Variants in ZNF24 observed in about 807,000 individuals in gnomAD.
ZNF24 encodes the protein retinoic acid suppression protein A.
A neutral mutation model predicts 40.9 loss-of-function variants in ZNF24; 11 were observed. The observed-to-expected ratio is 0.27, with a 90% CI of 0.17 to 0.45. The LOEUF (loss-of-function observed/expected upper bound fraction) is 0.45, where lower values mean the gene tolerates loss of function less well. Among genes scored for constraint, ZNF24 ranks in the 20% least tolerant of loss-of-function variants. The pLI, the probability that ZNF24 is intolerant of heterozygous loss-of-function variation, is 1.00. For synonymous variants in ZNF24, 139 were observed against 154.7 expected (o/e 0.90, Z 0.75); for missense variants, 293 against 437.7 (o/e 0.67, Z 2.95).
At chr18:35,344,334 TC>T (rs1204565064) in intron 1 of ZNF24, 25 bp downstream of exon 1, 1 of 152,156 alleles carries the variant, frequency 6.6e-6, no homozygotes, top group Non-Finnish European at 1.5e-5. Context: ...GTGTCCCCCC[TC>T]CCTCTCATAA....
chr18:35,334,835 C>T lies in ZNF24; in HGVS notation c.*2397G>A, dbSNP rs1038461280. 1 of 152,274 alleles carries T rather than the reference C, an allele frequency of 6.6e-6. No individual in the cohort carries two copies. Among genetic ancestry groups the T allele is most frequent in the Non-Finnish European group, 1.5e-5 (1 of 68,090 alleles). 9.4% of individuals were successfully genotyped at this position (152,274 alleles called of 1,614,324 possible). ...ATAGAAAGTACACATCTCATCATTT[C>T]CTCTTCTTGTGTGCCACCATCCAGT... On this transcript the variant is annotated 3_prime_UTR_variant, in exon 4 of 4. Coordinates refer to ENST00000261332, the MANE Select transcript of ZNF24 (RefSeq NM_006965.4).
In ZNF24 at chr18:35,335,420, A is replaced by G. The variant is rs893283727; in HGVS notation, c.*1812T>C. ...TTATAATTGTTATCAGAAAACCTAT[A>G]AACAAGCTCCATTCTGCCTCACTTT... is the stretch of plus-strand genomic sequence containing the variant. On this transcript the variant is annotated 3_prime_UTR_variant, in exon 4 of 4. Transcript: ENST00000261332. 1 of 152,204 alleles carries G rather than the reference A, an allele frequency of 6.6e-6. No individual in the cohort carries two copies. Among genetic ancestry groups the G allele is most frequent in the South Asian group, 2.1e-4 (1 of 4,836 alleles). The allele number at this position is 152,204 out of a possible 1,614,324, so 9.4% of individuals were successfully genotyped here. A position where few individuals can be genotyped will look rare whatever the true frequency, so the allele number is the denominator to read the frequency against.
At chr18:35,338,929 TGTAAAACTGCA>T in intron 3 of ZNF24, 2 of 1,483,138 alleles carry the variant, frequency 1.3e-6, no homozygotes, top group Non-Finnish European at 1.8e-6. Context: ...CCATGAAACA[TGTAAAACTGCA>T]GATTTTCAGC....
At position 35,340,560 on chromosome 18, in the gene ZNF24, C is replaced by T; in HGVS notation, c.91G>A (p.Asp31Asn). The T allele has an allele frequency of 6.2e-7, 1 of 1,614,194 alleles. No individual in the cohort carries two copies. ...EKILRVKLEE[D>N]PDGEEGSSIP... ...CTTGATCCCTCTTCGCCATCAGGATCCTCCTCCAACTTCACTCTCAGAATT... is the reference window on the plus strand; with the variant it reads ...CTTGATCCCTCTTCGCCATCAGGATTCTCCTCCAACTTCACTCTCAGAATT... The change falls in exon 2 of 4, where the codon GAT becomes AAT. Residue 31 changes from aspartate to asparagine, a missense_variant. Transcript: ENST00000261332. The surrounding 1 kb of genome is among the most constrained non-coding windows in gnomAD (Gnocchi z 4.6).
rs543156308 is a variant in ZNF24, at chr18:35,340,776, T to G, written c.-83-43A>C. The G allele has an allele frequency of 1.0e-4, 84 of 836,002 alleles. No homozygotes were observed. In the Admixed American group the frequency reaches 2.5e-3, roughly 25 times the overall value. The allele number at this position is 836,002 out of a possible 1,614,324, so 51.8% of individuals were successfully genotyped here. ...AAAGATATATAAATAAGCAAAAATA[T>G]CCTAAGAATTTGAACTTATACTGGT... On this transcript the variant is annotated intron_variant, in intron 1 of 3. Coordinates refer to ENST00000261332, the MANE Select transcript of ZNF24 (RefSeq NM_006965.4). The surrounding 1 kb of genome is among the most constrained non-coding windows in gnomAD (Gnocchi z 4.6).
chr18:35,337,661 A>T lies in ZNF24; in HGVS notation c.678T>A (p.Ile226=). 12 of 1,613,906 alleles carry T rather than the reference A, an allele frequency of 7.4e-6. No homozygotes were observed. The highest frequency in any genetic ancestry group is 1.0e-5 in the Non-Finnish European group (12 of 1,179,974). ...PGTLNMGVPQ[I]FKYGETCFPK... Reference sequence around the variant, plus strand: ...GGAAACAGGTTTCTCCATATTTAAAAATTTGAGGAACACCCATATTGAGAG... The same window carrying T: ...GGAAACAGGTTTCTCCATATTTAAATATTTGAGGAACACCCATATTGAGAG... The change falls in exon 4 of 4, where the codon ATT becomes ATA. Residue 226 remains isoleucine (I), a synonymous_variant. Transcript: ENST00000261332.
rs1017289241 is a variant in ZNF24 at position 35,334,289 on chromosome 18, A to G, written c.*2943T>C. ...ATAGCCACCACCCATGGCATGGTGAATATGTCCCTGGAGTCTACAGAACCA... is the reference window on the plus strand; with the variant it reads ...ATAGCCACCACCCATGGCATGGTGAGTATGTCCCTGGAGTCTACAGAACCA... On this transcript the variant is annotated 3_prime_UTR_variant, in exon 4 of 4. Coordinates refer to ENST00000261332, the MANE Select transcript of ZNF24 (RefSeq NM_006965.4). 2 of 152,200 alleles carry G rather than the reference A, an allele frequency of 1.3e-5. No homozygotes were observed. The highest frequency in any genetic ancestry group is 6.5e-5 in the Admixed American group (1 of 15,272). The allele number at this position is 152,200 out of a possible 1,614,324, so 9.4% of individuals were successfully genotyped here. A position where few individuals can be genotyped will look rare whatever the true frequency, so the allele number is the denominator to read the frequency against.
intron 3 of ZNF24, 186 bp from the exon 4 acceptor site, chr18:35,337,956 G>C: frequency 2.0e-6 from 1 of 512,216 alleles, no homozygotes; most frequent in South Asian, 5.7e-5. Context: ...ATAACATCAT[G>C]ATATAAGGGA....
rs563805405 is a variant in ZNF24, at chr18:35,340,038, G to A, written c.421-62C>T. 26 of 1,558,428 alleles carry A rather than the reference G, an allele frequency of 1.7e-5. No homozygotes were observed. The highest frequency in any genetic ancestry group is 1.3e-4 in the South Asian group (11 of 84,922). ...TAATGAGAATCAGAACTAAAAACAC[G>A]TAAGAGAAACCCCATGAAACAAATA... On this transcript the variant is annotated intron_variant, in intron 2 of 3. Coordinates refer to ENST00000261332, the MANE Select transcript of ZNF24 (RefSeq NM_006965.4). This position sits in a 1 kb window ranked among gnomAD's most constrained non-coding sequence, Gnocchi z 4.6.
At position 35,339,409 on chromosome 18, in the gene ZNF24, T is replaced by G. The variant is rs149251916; in HGVS notation, c.568+420A>C. On this transcript the variant is annotated intron_variant, in intron 3 of 3. Transcript: ENST00000261332. ...TTGAAGGAAATCAGAAATAAATATT[T>G]AGAAAGATTTCAGTGATATACAACA... is the stretch of plus-strand genomic sequence containing the variant. 1.4e-3 allele frequency among the ~76,000 whole-genome samples: 219 copies of G among 152,300 alleles called. 1 individual carries two copies. Among genetic ancestry groups the G allele is most frequent in the Middle Eastern group, 6.8e-3 (2 of 294 alleles).
intron 1 of ZNF24, among the ~76,000 whole-genome samples, chr18:35,344,140 G>A (rs988375505): frequency 5.3e-5 from 8 of 152,148 alleles, no homozygotes; most frequent in Admixed American, 1.3e-4. Flanking sequence ...GGAGGACACA[G>A]GGGGTTAGAG....
rs2044920644 is a variant in ZNF24 at position 35,337,282 on chromosome 18, G to A, written c.1057C>T (p.His353Tyr). The part of the protein sequence containing the change: ...SYSQSSNLFR[H>Y]QRRHNAEKLL... ...TTTTCTGCATTGTGTCTTCTCTGATGTCTAAAAAGATTTGAGCTTTGACTA... is the reference window on the plus strand; with the variant it reads ...TTTTCTGCATTGTGTCTTCTCTGATATCTAAAAAGATTTGAGCTTTGACTA... Residue 353 changes from histidine (H) to tyrosine (Y), a missense_variant, in exon 4 of 4, where the codon CAT becomes TAT. This residue lies in a region of ZNF24 where 59 missense variants were observed against 138.6 expected (regional missense o/e 0.43). Coordinates refer to ENST00000261332, the MANE Select transcript of ZNF24 (RefSeq NM_006965.4). 6.5e-7 allele frequency: 1 copy of A among 1,549,444 alleles called. No homozygotes were observed. The highest frequency in any genetic ancestry group is 8.7e-7 in the Non-Finnish European group (1 of 1,143,798).
chr18:35,339,986 G>A lies in ZNF24; in HGVS notation c.421-10C>T, dbSNP rs768935727. 6.2e-7 allele frequency: 1 copy of A among 1,603,924 alleles called. No individual in the cohort carries two copies. Among genetic ancestry groups the A allele is most frequent in the South Asian group, 1.1e-5 (1 of 90,418 alleles). On this transcript the variant is annotated splice_polypyrimidine_tract_variant and intron_variant, in intron 2 of 3. Transcript: ENST00000261332. Reference sequence around the variant, plus strand: ...GTCGACGGAGAGAAACCTGGAAACAGAAAGATTTGATTCAGAGAAGGAACT... The same window carrying A: ...GTCGACGGAGAGAAACCTGGAAACAAAAAGATTTGATTCAGAGAAGGAACT...
In ZNF24 at chr18:35,340,967, A is replaced by G. The variant is rs2044963594; in HGVS notation, c.-83-234T>C. ...TTTTTAAATGGCTGTGGTCTTCATC[A>G]CAGTGCCTTACGGAGCGGAGATCCC... On this transcript the variant is annotated intron_variant, in intron 1 of 3. Coordinates refer to ENST00000261332, the MANE Select transcript of ZNF24 (RefSeq NM_006965.4). This position sits in a 1 kb window ranked among gnomAD's most constrained non-coding sequence, Gnocchi z 4.6. Among the ~76,000 whole-genome samples the G allele has an allele frequency of 6.6e-6, 1 of 152,204 alleles. No homozygotes were observed. Among genetic ancestry groups the G allele is most frequent in the South Asian group, 2.1e-4 (1 of 4,824 alleles).
Position 35,337,212 on chromosome 18 carries a change from CTTTTT to C in ZNF24, c.*15_*19del. On this transcript the variant is annotated 3_prime_UTR_variant, in exon 4 of 4. Transcript: ENST00000261332. ...GAAGAAAAAGACCTGAGTGCTGATT[CTTTTT>C]TTTTTTTCAATTTCTTAAACTTTCA... The C allele has an allele frequency of 9.5e-7, 1 of 1,057,734 alleles. No homozygotes were observed. The highest frequency in any genetic ancestry group is 2.4e-5 in the South Asian group (1 of 42,036). 65.5% of individuals were successfully genotyped at this position (1,057,734 alleles called of 1,614,324 possible).
chr18:35,343,850 T>G (rs2044991367), intron 1 of ZNF24: 1 of 156,838 alleles, frequency 6.4e-6, no homozygotes, highest in South Asian at 1.8e-4. Context: ...CTGCTGTGTA[T>G]CCCGGCCCCG....
chr18:35,335,101 G>C lies in ZNF24; in HGVS notation c.*2131C>G, dbSNP rs1391422587. 6.6e-6 allele frequency: 1 copy of C among 152,090 alleles called. No individual in the cohort carries two copies. The highest frequency in any genetic ancestry group is 6.5e-5 in the Admixed American group (1 of 15,270). The allele number at this position is 152,090 out of a possible 1,614,324, so 9.4% of individuals were successfully genotyped here. On this transcript the variant is annotated 3_prime_UTR_variant, in exon 4 of 4. Coordinates refer to ENST00000261332, the MANE Select transcript of ZNF24 (RefSeq NM_006965.4). ...AAGCATGACATAATAGCCATTGAGA[G>C]GTTGCTCCCTTCTTACCTACTCTGA... is the stretch of plus-strand genomic sequence containing the variant.
rs1272669137 is a variant in ZNF24, at chr18:35,332,733, TA to T, written c.*4498del. On this transcript the variant is annotated 3_prime_UTR_variant, in exon 4 of 4. Transcript: ENST00000261332. Reference sequence around the variant, plus strand: ...ACATGCTCACCTAAGCCACAGGGAATAGGTTCCCCACAAATAAATAAAGGTT... The same window carrying T: ...ACATGCTCACCTAAGCCACAGGGAATGGTTCCCCACAAATAAATAAAGGTT... 3 of 152,632 alleles carry T rather than the reference TA, an allele frequency of 2.0e-5. No homozygotes were observed. Among genetic ancestry groups the T allele is most frequent in the African/African-American group, 7.2e-5 (3 of 41,432 alleles). The allele number at this position is 152,632 out of a possible 1,614,324, so 9.5% of individuals were successfully genotyped here. A position where few individuals can be genotyped will look rare whatever the true frequency, so the allele number is the denominator to read the frequency against.
intron 3 of ZNF24, among the ~76,000 whole-genome samples, chr18:35,339,344 C>G (rs555437596): frequency 6.6e-6 from 1 of 152,180 alleles, no homozygotes; most frequent in African/African-American, 2.4e-5. Context: ...AATATTTCTA[C>G]AAAAGAAGCT....
Sources: allele counts gnomAD v4.1 joint callset (sites outside exome capture counted in the v4.1 genomes callset), GRCh38; gene constraint gnomAD v4.1.1; regional missense constraint gnomAD v4.1.1; non-coding constraint Gnocchi (gnomAD v3.1); transcripts MANE v1.5; gene names NCBI Gene and HGNC (gene_info 2026-07-23, HGNC 2026-07-21).